GCNT2: variants seen among roughly 807,000 people sequenced by gnomAD.
The protein encoded by GCNT2 is glucosaminyl (N-acetyl) transferase 2 (I blood group).
Under a neutral mutation model 34.2 loss-of-function variants are expected in GCNT2, and 34 were observed. The ratio of observed to expected loss-of-function variants is 1.00; its 90% CI spans 0.76 to 1.32. The LOEUF (loss-of-function observed/expected upper bound fraction) is 1.32, where lower values mean the gene tolerates loss of function less well. Among genes scored for constraint, GCNT2 ranks in the 40% most tolerant of loss-of-function variants. The probability of loss-of-function intolerance (pLI) is 0.00; values close to 1 mark genes in which losing one functional copy is unlikely to be tolerated. For synonymous variants in GCNT2, 212 were observed against 188.0 expected, an observed-to-expected ratio of 1.13 and a Z score of -1.04; for missense variants, 584 against 489.4, an observed-to-expected ratio of 1.19 and a Z score of -1.82.
chr6:10,613,096 A>G (rs980806194), intron 3 of GCNT2, among the ~76,000 whole-genome samples: 4 of 152,246 alleles, frequency 2.6e-5, no homozygotes, highest in Non-Finnish European at 5.9e-5. Flanking sequence ...AGCTTAAATA[A>G]TAAGCAATTT....
chr6:10,595,864 C>T (rs1764830269), intron 3 of GCNT2, among the ~76,000 whole-genome samples: 1 of 152,138 alleles, frequency 6.6e-6, no homozygotes, highest in African/African-American at 2.4e-5. Flanking sequence ...GTGCAGAGAA[C>T]AGTACTGTAA....
intron 3 of GCNT2, among the ~76,000 whole-genome samples, chr6:10,548,693 C>T (rs78745115): frequency 0.01 from 1,574 of 152,002 alleles, 26 homozygotes; most frequent in African/African-American, 0.036. Flanking sequence ...TGAGATTCAC[C>T]GTTTTGTTGC....
chr6:10,606,359 C>T (rs182043895), intron 3 of GCNT2, among the ~76,000 whole-genome samples: 11 of 152,116 alleles, frequency 7.2e-5, no homozygotes, highest in African/African-American at 2.7e-4. Flanking sequence ...AGTCACATGG[C>T]CAAAACTAGA....
Position 10,529,691 on chromosome 6 carries a change from T to C in GCNT2, c.780T>C (p.Ile260=), listed in dbSNP as rs1358003028. The C allele has an allele frequency of 2.5e-6, 4 of 1,613,910 alleles. No homozygotes were observed. Among genetic ancestry groups the C allele is most frequent in the South Asian group, 1.1e-5 (1 of 91,080 alleles). Residue 260 remains isoleucine, a synonymous_variant, in exon 3 of 5, where the codon ATT becomes ATC. Coordinates refer to ENST00000495262, the MANE Select transcript of GCNT2 (RefSeq NM_145649.5). ...LKTPPPHDMV[I]YFGTAYVALT... ...CTCCTCCTCCTCATGACATGGTGAT[T>C]TACTTTGGCACGGCCTACGTGGCTC...
intron 3 of GCNT2, among the ~76,000 whole-genome samples, chr6:10,596,381 C>T (rs1314126416): frequency 2.0e-5 from 3 of 151,982 alleles, no homozygotes; most frequent in Non-Finnish European, 2.9e-5. Flanking sequence ...AGTAGCCAGG[C>T]GTGGTGGTGC....
At chr6:10,544,633 ATT>A (rs1762184863) in intron 3 of GCNT2, among the ~76,000 whole-genome samples, 1 of 150,282 alleles carries the variant, frequency 6.7e-6, no homozygotes, top group South Asian at 2.1e-4. Context: ...AAAATAAAAT[ATT>A]AAATAAATAA....
At chr6:10,612,223 G>A (rs1765589889) in intron 3 of GCNT2, among the ~76,000 whole-genome samples, 1 of 152,118 alleles carries the variant, frequency 6.6e-6, no homozygotes, top group Non-Finnish European at 1.5e-5. Context: ...CTGACCTCAG[G>A]TAATCCACTC....
chr6:10,549,525 T>G (rs897653779), intron 3 of GCNT2, among the ~76,000 whole-genome samples: 2 of 151,764 alleles, frequency 1.3e-5, no homozygotes, highest in African/African-American at 4.8e-5. Flanking sequence ...TGAATTGGTA[T>G]TTTCTGCCTT....
intron 3 of GCNT2, among the ~76,000 whole-genome samples, chr6:10,591,855 A>C (rs542836182): frequency 6.6e-6 from 1 of 152,346 alleles, no homozygotes; most frequent in South Asian, 2.1e-4. Context: ...CAACAACTGT[A>C]AACACTGAGC....
At position 10,573,613 on chromosome 6, in the gene GCNT2, A is replaced by G. The variant is rs190871491; in HGVS notation, c.925+43777A>G. On this transcript the variant is annotated intron_variant, in intron 3 of 4. Coordinates refer to ENST00000495262, the MANE Select transcript of GCNT2 (RefSeq NM_145649.5). ...AAAATTGGAAAGCTAAGGCACAGTA[A>G]TTTTTAGAAGCTTTCTCAGGGACCC... is the stretch of plus-strand genomic sequence containing the variant. Among the ~76,000 whole-genome samples the G allele has an allele frequency of 3.7e-3, 558 of 152,320 alleles. 3 individuals carry two copies. The highest frequency in any genetic ancestry group is 0.01 in the Middle Eastern group (3 of 294).
In GCNT2 at chr6:10,593,656, G is replaced by A. The variant is rs573700907; in HGVS notation, c.926-27695G>A. On this transcript the variant is annotated intron_variant, in intron 3 of 4. Coordinates refer to ENST00000495262, the MANE Select transcript of GCNT2 (RefSeq NM_145649.5). ...CTAGACAGTTGTCTTTGTTTTAAAT[G>A]AAGTATTGCATTTTGATGGCTTCTA... Among the ~76,000 whole-genome samples, 9 of 152,250 alleles carry A rather than the reference G, an allele frequency of 5.9e-5. No homozygotes were observed. The South Asian group carries it at 1.7e-3, about 28-fold the overall frequency.
intron 3 of GCNT2, among the ~76,000 whole-genome samples, chr6:10,541,677 C>T (rs745396381): frequency 9.2e-5 from 14 of 152,140 alleles, no homozygotes; most frequent in South Asian, 2.1e-4. Context: ...TTGGCTTCAA[C>T]TTGAATTCCC....
intron 3 of GCNT2, among the ~76,000 whole-genome samples, chr6:10,564,024 T>C (rs1763169838): frequency 6.6e-6 from 1 of 152,070 alleles, no homozygotes; most frequent in African/African-American, 2.4e-5. Flanking sequence ...GTTATATAAT[T>C]AGACCCACTC....
chr6:10,625,729 G>A (rs999576452), intron 4 of GCNT2, among the ~76,000 whole-genome samples: 2 of 151,942 alleles, frequency 1.3e-5, no homozygotes, highest in African/African-American at 2.4e-5. Flanking sequence ...CCTTATCCAC[G>A]GGGGGATACA....
At chr6:10,582,367 T>C (rs1299763778) in intron 3 of GCNT2, among the ~76,000 whole-genome samples, 3 of 113,018 alleles carry the variant, frequency 2.7e-5, no homozygotes, top group Non-Finnish European at 5.0e-5. Context: ...AAATATAATA[T>C]ATACTATAAT....
intron 3 of GCNT2, among the ~76,000 whole-genome samples, chr6:10,615,588 C>T (rs1178118678): frequency 2.0e-5 from 3 of 152,160 alleles, no homozygotes; most frequent in African/African-American, 7.2e-5. Context: ...GATCCCGATC[C>T]AGACCCCAAG....
At chr6:10,531,055 AAAG>A (rs1327736590) in intron 3 of GCNT2, among the ~76,000 whole-genome samples, 3 of 152,060 alleles carry the variant, frequency 2.0e-5, no homozygotes, top group Non-Finnish European at 2.9e-5. Flanking sequence ...AAAAAAAAAA[AAAG>A]ATTTCTAGAC....
rs115838182 is a variant in GCNT2, at chr6:10,568,109, C to T, written c.925+38273C>T. ...AGTTTACTTCGTGGCTCTTGCAGTTCTTTCCCCCTTTGTGATCTCATTTAC... is the reference window on the plus strand; with the variant it reads ...AGTTTACTTCGTGGCTCTTGCAGTTTTTTCCCCCTTTGTGATCTCATTTAC... On this transcript the variant is annotated intron_variant, in intron 3 of 4. Transcript: ENST00000495262. Among the ~76,000 whole-genome samples the T allele has an allele frequency of 8.9e-4, 135 of 152,298 alleles. 1 individual carries two copies. Among genetic ancestry groups the T allele is most frequent in the African/African-American group, 2.8e-3 (118 of 41,582 alleles).
At chr6:10,535,746 C>T (rs1473924854) in intron 3 of GCNT2, among the ~76,000 whole-genome samples, 1 of 152,122 alleles carries the variant, frequency 6.6e-6, no homozygotes, top group African/African-American at 2.4e-5. Flanking sequence ...AACAGCCTTT[C>T]CTGGGAGCAG....
Sources: gnomAD v4.1 joint callset for allele counts (sites outside exome capture counted in the v4.1 genomes callset) on GRCh38, gnomAD v4.1.1 for gene constraint, MANE v1.5 for transcripts, NCBI Gene and HGNC (gene_info 2026-07-23, HGNC 2026-07-21) for gene names.